Variants in WWC1 observed in about 807,000 individuals in gnomAD.
WWC1 encodes the protein WW and C2 domain containing 1.
In WWC1, 55 loss-of-function variants were observed where a neutral mutation model predicts 138.4. The observed-to-expected ratio is 0.40, with a 90% CI of 0.32 to 0.50. WWC1 has a LOEUF of 0.50. Among genes scored for constraint, WWC1 ranks in the 20% least tolerant of loss-of-function variants. WWC1 has a pLI of 0.72. For missense variants in WWC1, 1,226 were observed against 1,420.4 expected, an observed-to-expected ratio of 0.86 and a Z score of 2.20; for synonymous variants, 524 against 564.9, an observed-to-expected ratio of 0.93 and a Z score of 1.03.
intron 18 of WWC1, 48 bp from the exon 19 acceptor site, chr5:168,455,308 T>G: frequency 9.2e-6 from 14 of 1,528,146 alleles, no homozygotes; most frequent in Non-Finnish European, 1.1e-5. Context: ...GGTGGGTGGC[T>G]GAGACTCTGT....
chr5:168,452,621 G>A (rs1755933185), intron 17 of WWC1, among the ~76,000 whole-genome samples: 1 of 152,126 alleles, frequency 6.6e-6, no homozygotes, highest in Non-Finnish European at 1.5e-5. Context: ...TTTTAGTTTT[G>A]CAACCCTAGC....
intron 1 of WWC1, among the ~76,000 whole-genome samples, chr5:168,323,384 A>G (rs941906699): frequency 6.6e-6 from 1 of 152,118 alleles, no homozygotes; most frequent in African/African-American, 2.4e-5. Flanking sequence ...CATCTCCACT[A>G]AAATAAAAAA....
rs1756512759 is a variant in WWC1 at position 168,458,342 on chromosome 5, T to C, written c.2824-2308T>C. On this transcript the variant is annotated intron_variant, in intron 19 of 22. Transcript: ENST00000265293. ...CCAACTCCAAAGCCTGCAGCCTCTC[T>C]GTTGCTCAGAGCCACCTCCTGAGGG... Among the ~76,000 whole-genome samples the C allele has an allele frequency of 2.0e-5, 3 of 152,330 alleles. No individual in the cohort carries two copies. In the South Asian group the frequency reaches 6.2e-4, roughly 32 times the overall value.
At chr5:168,467,593 A>G (rs1808372) in intron 21 of WWC1, 2 of 468,842 alleles carry the variant, frequency 4.3e-6, no homozygotes, top group Middle Eastern at 5.7e-4. Context: ...GCACATTTCA[A>G]CAGGCAGCCC....
At chr5:168,336,364 A>C (rs1773450475) in intron 1 of WWC1, among the ~76,000 whole-genome samples, 1 of 152,064 alleles carries the variant, frequency 6.6e-6, no homozygotes, top group South Asian at 2.1e-4. Flanking sequence ...TGAGGTAAGG[A>C]GTTCAAGACC....
chr5:168,364,168 A>C (rs561383116), intron 1 of WWC1, among the ~76,000 whole-genome samples: 1 of 151,992 alleles, frequency 6.6e-6, no homozygotes, highest in Non-Finnish European at 1.5e-5. Context: ...AACTCCTCTC[A>C]AGCAGGTTAC....
chr5:168,330,942 T>G (rs994721213), intron 1 of WWC1, among the ~76,000 whole-genome samples: 1 of 152,220 alleles, frequency 6.6e-6, no homozygotes, highest in Non-Finnish European at 1.5e-5. Flanking sequence ...AGTGCTGAGC[T>G]GCCAAGACGA....
chr5:168,340,761 C>T (rs1581972058), intron 1 of WWC1, among the ~76,000 whole-genome samples: 1 of 152,306 alleles, frequency 6.6e-6, no homozygotes, highest in South Asian at 2.1e-4. Flanking sequence ...GTTATTCTCA[C>T]TTTTTGGCTA....
At chr5:168,339,544 C>G (rs1030435637) in intron 1 of WWC1, among the ~76,000 whole-genome samples, 2 of 152,168 alleles carry the variant, frequency 1.3e-5, no homozygotes, top group African/African-American at 4.8e-5. Context: ...TTTACTAGCC[C>G]TGTCACCTTG....
chr5:168,426,448 T>A (rs1781505566), intron 11 of WWC1, among the ~76,000 whole-genome samples: 1 of 152,128 alleles, frequency 6.6e-6, no homozygotes, highest in African/African-American at 2.4e-5. Flanking sequence ...GACAGCACAT[T>A]AGGCTGGGCA....
intron 6 of WWC1, among the ~76,000 whole-genome samples, chr5:168,407,571 T>A (rs987667117): frequency 3.9e-5 from 6 of 152,246 alleles, no homozygotes; most frequent in Admixed American, 3.9e-4. Flanking sequence ...TGAAAACATT[T>A]AGATGAAGAG....
At position 168,332,409 on chromosome 5, in the gene WWC1, T is replaced by C. The variant is rs1057096859; in HGVS notation, c.120-39015T>C. Among the ~76,000 whole-genome samples the C allele has an allele frequency of 2.6e-5, 4 of 152,206 alleles. 1 individual carries two copies. The highest frequency in any genetic ancestry group is 2.0e-4 in the Admixed American group (3 of 15,288). ...AAGGAAAGCTTTGGGTCATAACTTA[T>C]TGGTAGTGTTTTCCTTTTCTGGTTG... On this transcript the variant is annotated intron_variant, in intron 1 of 22. Transcript: ENST00000265293.
intron 2 of WWC1, among the ~76,000 whole-genome samples, chr5:168,376,306 G>A (rs1390367510): frequency 1.3e-5 from 2 of 152,078 alleles, no homozygotes; most frequent in East Asian, 3.9e-4. Flanking sequence ...CTCCTGCCTG[G>A]GCCTCCCAAA....
At chr5:168,380,616 G>A (rs923873557) in intron 2 of WWC1, among the ~76,000 whole-genome samples, 14 of 152,140 alleles carry the variant, frequency 9.2e-5, no homozygotes, top group African/African-American at 2.9e-4. Flanking sequence ...AAGTTTGCCA[G>A]TTTCTTATGA....
intron 1 of WWC1, among the ~76,000 whole-genome samples, chr5:168,346,818 A>C (rs1030840522): frequency 6.6e-6 from 1 of 152,126 alleles, no homozygotes; most frequent in Non-Finnish European, 1.5e-5. Context: ...GTTTGGTTCC[A>C]TGTAAAACAA....
rs560405042 is a variant in WWC1, at chr5:168,383,795, CT to C, written c.230-1415del. On this transcript the variant is annotated intron_variant, in intron 2 of 22. Coordinates refer to ENST00000265293, the MANE Select transcript of WWC1 (RefSeq NM_015238.3). The stretch of plus-strand genomic sequence containing the variant: ...ACAATTTCTGGCTTGTTGATCACCC[CT>C]AACACCACCCAACAACTGGGGGTGA... 5.0e-3 allele frequency among the ~76,000 whole-genome samples: 763 copies of C among 152,324 alleles called. 9 individuals are homozygous for C. Among genetic ancestry groups the C allele is most frequent in the African/African-American group, 0.018 (735 of 41,580 alleles).
intron 11 of WWC1, among the ~76,000 whole-genome samples, chr5:168,426,626 C>T (rs148022168): frequency 2.6e-5 from 4 of 152,308 alleles, no homozygotes; most frequent in East Asian, 3.9e-4. Context: ...GGTGGAGATG[C>T]GTGGGTCTGA....
chr5:168,299,794 G>A (rs1037225565), intron 1 of WWC1, among the ~76,000 whole-genome samples: 1 of 152,168 alleles, frequency 6.6e-6, no homozygotes, highest in Non-Finnish European at 1.5e-5. Flanking sequence ...CTTGCTGCAC[G>A]GTTCCCTCAG....
intron 17 of WWC1, among the ~76,000 whole-genome samples, chr5:168,445,401 T>G (rs900234713): frequency 6.6e-6 from 1 of 150,772 alleles, no homozygotes; most frequent in African/African-American, 2.4e-5. Flanking sequence ...TCAAAAAATT[T>G]TTAAAATAAT....
Sources: gnomAD v4.1 joint callset for allele counts (sites outside exome capture counted in the v4.1 genomes callset) on GRCh38, gnomAD v4.1.1 for gene constraint, MANE v1.5 for transcripts, NCBI Gene and HGNC (gene_info 2026-07-23, HGNC 2026-07-21) for gene names.